The following CD3E variants were observed in gnomAD, a reference collection of about 807,000 sequenced individuals.
The protein encoded by CD3E is CD3 epsilon subunit of T-cell receptor complex, also known as T-cell surface glycoprotein CD3 epsilon chain.
In CD3E, 16 loss-of-function variants were observed where a neutral mutation model predicts 34.7. The ratio of observed to expected loss-of-function variants is 0.46; its 90% CI spans 0.31 to 0.70. The LOEUF (loss-of-function observed/expected upper bound fraction) is 0.70, where lower values mean the gene tolerates loss of function less well. Among genes scored for constraint, CD3E ranks in the 30% least tolerant of loss-of-function variants. The probability of loss-of-function intolerance (pLI) is 0.05; values close to 1 mark genes in which losing one functional copy is unlikely to be tolerated. For synonymous variants in CD3E, 70 were observed against 90.8 expected (o/e 0.77, Z 1.30); for missense variants, 223 against 253.9 (o/e 0.88, Z 0.83).
At chr11:118,312,934 G>C in intron 6 of CD3E, 68 bp downstream of exon 6, 2 of 1,594,344 alleles carry the variant, frequency 1.3e-6, no homozygotes, top group East Asian at 4.5e-5. Flanking sequence ...GGCATTCTCA[G>C]TGATTTTCCC....
chr11:118,314,544 G>C, intron 8 of CD3E, 50 bp downstream of exon 8: 1 of 1,551,762 alleles, frequency 6.4e-7, no homozygotes, highest in African/African-American at 1.4e-5. Flanking sequence ...TGTCCCTCCA[G>C]GGGGGAAGGA....
intron 6 of CD3E, 40 bp from the exon 7 acceptor site, chr11:118,313,667 T>A (rs1451351410): frequency 6.2e-7 from 1 of 1,604,310 alleles, no homozygotes; most frequent in Non-Finnish European, 8.5e-7. Flanking sequence ...GTGTTTTCCT[T>A]GCTTAGTGAT....
In CD3E at chr11:118,314,960, TACACACACACACACAC is replaced by T. The variant is rs58102034; in HGVS notation, c.567+491_568-486del. Reference sequence around the variant, plus strand: ...CCCAACCCACCCTTACACACACACATACACACACACACACACACACACACACACACACACACACACG... The same window carrying T: ...CCCAACCCACCCTTACACACACACATACACACACACACACACACACACACG... On this transcript the variant is annotated intron_variant, in intron 8 of 8. Coordinates refer to ENST00000361763, the MANE Select transcript of CD3E (RefSeq NM_000733.4). 1.0e-3 allele frequency among the ~76,000 whole-genome samples: 147 copies of T among 143,742 alleles called. 1 individual carries two copies. In the East Asian group the frequency reaches 0.015, roughly 15 times the overall value. 94.3% of individuals were successfully genotyped at this position (143,742 alleles called of 152,430 possible). A position where few individuals can be genotyped will look rare whatever the true frequency, so the allele number is the denominator to read the frequency against.
At chr11:118,305,467 T>C (rs1447074890) in intron 2 of CD3E, among the ~76,000 whole-genome samples, 1 of 152,252 alleles carries the variant, frequency 6.6e-6, no homozygotes, top group Non-Finnish European at 1.5e-5. Context: ...CAACTTTCAG[T>C]TTATTTCATT....
In CD3E at chr11:118,315,690, G is replaced by T. The variant is rs201952371; in HGVS notation, c.*148G>T. On this transcript the variant is annotated 3_prime_UTR_variant, in exon 9 of 9. Coordinates refer to ENST00000361763, the MANE Select transcript of CD3E (RefSeq NM_000733.4). ...CTCGCGCCCTCCAGCCTGATCCCCCGCTCCCTCCTCCCTGCCTTCTCTGCT... is the reference window on the plus strand; with the variant it reads ...CTCGCGCCCTCCAGCCTGATCCCCCTCTCCCTCCTCCCTGCCTTCTCTGCT... 1 of 711,980 alleles carries T rather than the reference G, an allele frequency of 1.4e-6. No homozygotes were observed. The highest frequency in any genetic ancestry group is 2.5e-6 in the Non-Finnish European group (1 of 398,106). The allele number at this position is 711,980 out of a possible 1,614,324, so 44.1% of individuals were successfully genotyped here.
chr11:118,313,921 G>T, intron 7 of CD3E, 47 bp downstream of exon 7: 1 of 1,601,732 alleles, frequency 6.2e-7, no homozygotes, highest in South Asian at 1.1e-5. Context: ...CAAGGGGGAC[G>T]ACCAGCCTGG....
Position 118,313,845 on chromosome 11 carries a change from G to C in CD3E, c.491G>C (p.Arg164Pro). 1 of 1,613,820 alleles carries C rather than the reference G, an allele frequency of 6.2e-7. No individual in the cohort carries two copies. Among genetic ancestry groups the C allele is most frequent in the Non-Finnish European group, 8.5e-7 (1 of 1,180,048 alleles). ...AAGGCCAAGGCCAAGCCTGTGACAC[G>C]AGGAGCGGGTGCTGGCGGCAGGCAA... ...NRKAKAKPVT[R>P]GAGAGGRQRG... The change falls in exon 7 of 9, where the codon CGA (arginine) becomes CCA (proline). Residue 164 changes from arginine (R) to proline (P), a missense_variant. By Grantham distance (103) the Arg-to-Pro change is moderately radical. Transcript: ENST00000361763.
rs1489507715 is a variant in CD3E at position 118,315,565 on chromosome 11, C to T, written c.*23C>T. On this transcript the variant is annotated 3_prime_UTR_variant, in exon 9 of 9. Coordinates refer to ENST00000361763, the MANE Select transcript of CD3E (RefSeq NM_000733.4). ...TGACCCTCTGGAGAACACTGCCTCC[C>T]GCTGGCCCAGGTCTCCTCTCCAGTC... 8 of 1,601,184 alleles carry T rather than the reference C, an allele frequency of 5.0e-6. No homozygotes were observed. The highest frequency in any genetic ancestry group is 6.8e-6 in the Non-Finnish European group (8 of 1,172,708).
intron 2 of CD3E, 150 bp downstream of exon 2, chr11:118,305,151 G>A: frequency 1.2e-6 from 1 of 831,532 alleles, no homozygotes; most frequent in Non-Finnish European, 2.0e-6. Context: ...ATTAGAGCTG[G>A]GGACTAAAGA....
At chr11:118,310,700 AT>A (rs922642363) in intron 4 of CD3E, among the ~76,000 whole-genome samples, 15 of 152,228 alleles carry the variant, frequency 9.9e-5, no homozygotes, top group African/African-American at 3.6e-4. Context: ...TTTTCTTTAC[AT>A]TTTTTTCAAA....
At position 118,313,763 on chromosome 11, in the gene CD3E, G is replaced by A; in HGVS notation, c.409G>A (p.Asp137Asn). 6.2e-7 allele frequency: 1 copy of A among 1,614,142 alleles called. No homozygotes were observed. The highest frequency in any genetic ancestry group is 8.5e-7 in the Non-Finnish European group (1 of 1,180,022). Reference protein sequence around the residue: ...VMSVATIVIVDICITGGLLLL... With the variant: ...VMSVATIVIVNICITGGLLLL... ...GTCGGTGGCCACAATTGTCATAGTG[G>A]ACATCTGCATCACTGGGGGCTTGCT... Residue 137 changes from aspartate to asparagine, a missense_variant, in exon 7 of 9, where the codon GAC becomes AAC. Asp to Asn is a conservative substitution (Grantham distance 23, BLOSUM62 1). Coordinates refer to ENST00000361763, the MANE Select transcript of CD3E (RefSeq NM_000733.4).
At chr11:118,312,454 T>A in intron 5 of CD3E, 164 bp from the exon 6 acceptor site, 2 of 828,036 alleles carry the variant, frequency 2.4e-6, no homozygotes, top group South Asian at 3.2e-5. Context: ...ATTCCACATA[T>A]CTCCTCTTCC....
At position 118,315,582 on chromosome 11, in the gene CD3E, T is replaced by C; in HGVS notation, c.*40T>C. 1 of 1,525,502 alleles carries C rather than the reference T, an allele frequency of 6.6e-7. No homozygotes were observed. The highest frequency in any genetic ancestry group is 9.0e-7 in the Non-Finnish European group (1 of 1,110,400). 94.5% of individuals were successfully genotyped at this position (1,525,502 alleles called of 1,614,324 possible). Reference sequence around the variant, plus strand: ...CTGCCTCCCGCTGGCCCAGGTCTCCTCTCCAGTCCCCCTGCGACTCCCTGT... The same window carrying C: ...CTGCCTCCCGCTGGCCCAGGTCTCCCCTCCAGTCCCCCTGCGACTCCCTGT... On this transcript the variant is annotated 3_prime_UTR_variant, in exon 9 of 9. Transcript: ENST00000361763.
rs762763746 is a variant in CD3E at position 118,315,477 on chromosome 11, C to T, written c.568-9C>T. On this transcript the variant is annotated splice_polypyrimidine_tract_variant and intron_variant, in intron 8 of 8. Coordinates refer to ENST00000361763, the MANE Select transcript of CD3E (RefSeq NM_000733.4). ...ACCACTGACCGCCCCCTCTCTATTTCACCCCCAGCCCATCCGGAAAGGCCA... is the reference window on the plus strand; with the variant it reads ...ACCACTGACCGCCCCCTCTCTATTTTACCCCCAGCCCATCCGGAAAGGCCA... 17 of 1,612,832 alleles carry T rather than the reference C, an allele frequency of 1.1e-5. No homozygotes were observed. Among genetic ancestry groups the T allele is most frequent in the Non-Finnish European group, 1.4e-5 (16 of 1,179,482 alleles).
chr11:118,314,644 G>A (rs181084624), intron 8 of CD3E, 150 bp downstream of exon 8: 71 of 706,694 alleles, frequency 1.0e-4, no homozygotes, highest in East Asian at 4.9e-4. Context: ...CCACCTCTGC[G>A]TCCTTCATGG....
intron 4 of CD3E, among the ~76,000 whole-genome samples, chr11:118,311,531 G>A (rs1379932568): frequency 6.6e-6 from 1 of 152,216 alleles, no homozygotes; most frequent in Non-Finnish European, 1.5e-5. Flanking sequence ...AACGTGTAGA[G>A]TATTTCACAT....
At chr11:118,314,006 G>C in intron 7 of CD3E, 132 bp downstream of exon 7, 1 of 858,012 alleles carries the variant, frequency 1.2e-6, no homozygotes, top group Non-Finnish European at 1.9e-6. Context: ...TTCTATTACT[G>C]TGATGACAAG....
intron 7 of CD3E, 148 bp downstream of exon 7, chr11:118,314,022 A>G: frequency 1.2e-6 from 1 of 832,348 alleles, no homozygotes; most frequent in South Asian, 1.5e-5. Context: ...ACAAGATCTC[A>G]ACAGACGGTT....
intron 4 of CD3E, among the ~76,000 whole-genome samples, chr11:118,310,460 C>A (rs571455010): frequency 5.3e-5 from 8 of 152,310 alleles, no homozygotes; most frequent in Non-Finnish European, 1.0e-4. Context: ...TGATCTCATT[C>A]TTTTTTATGG....
Sources: allele counts gnomAD v4.1 joint callset (sites outside exome capture counted in the v4.1 genomes callset), GRCh38; gene constraint gnomAD v4.1.1; transcripts MANE v1.5; gene names NCBI Gene and HGNC (gene_info 2026-07-23, HGNC 2026-07-21).